The following RELN variants were observed in gnomAD, a reference collection of about 807,000 sequenced individuals.
RELN encodes the protein reelin.
A neutral mutation model predicts 427.6 loss-of-function variants in RELN; 108 were observed. The observed-to-expected ratio is 0.25, with a 90% CI of 0.22 to 0.30. RELN has a LOEUF of 0.30. Ranked by LOEUF, RELN falls within the 10% of genes least tolerant of loss-of-function variation. RELN has a pLI of 1.00. For missense variants in RELN, 3,715 were observed against 4,302.8 expected (o/e 0.86, Z 3.82); for synonymous variants, 1,524 against 1,513.4 (o/e 1.01, Z -0.16).
At chr7:103,964,516 T>C (rs1489601412) in intron 1 of RELN, among the ~76,000 whole-genome samples, 4 of 152,146 alleles carry the variant, frequency 2.6e-5, no homozygotes, top group Non-Finnish European at 5.9e-5. Context: ...GATGGCTCAG[T>C]TAGGGCACAA....
chr7:103,709,893 T>G (rs1231279857), intron 8 of RELN, among the ~76,000 whole-genome samples: 1 of 152,142 alleles, frequency 6.6e-6, no homozygotes, highest in Non-Finnish European at 1.5e-5. Flanking sequence ...ATGGTCCCTA[T>G]AAGACAAGGC....
At chr7:103,852,105 A>G (rs565048504) in intron 2 of RELN, among the ~76,000 whole-genome samples, 88 of 152,268 alleles carry the variant, frequency 5.8e-4, no homozygotes, top group African/African-American at 2.1e-3. Flanking sequence ...TTTTAATATA[A>G]CACTTGTCAT....
Position 103,668,266 on chromosome 7 carries a change from T to C in RELN, c.1290-6739A>G, listed in dbSNP as rs1271612012. The stretch of plus-strand genomic sequence containing the variant: ...AAGGTATGACATATAATTATATATG[T>C]ATAATTGTATACTTTGTATAATTTA... On this transcript the variant is annotated intron_variant, in intron 11 of 64. Coordinates refer to ENST00000428762, the MANE Select transcript of RELN (RefSeq NM_005045.4). Among the ~76,000 whole-genome samples the C allele has an allele frequency of 2.0e-5, 3 of 152,316 alleles. No individual in the cohort carries two copies. The East Asian group carries it at 5.8e-4, about 29-fold the overall frequency.
In RELN at chr7:103,503,000, T is replaced by A. The variant is rs1000116021; in HGVS notation, c.8489+16A>T. On this transcript the variant is annotated intron_variant, in intron 52 of 64. Coordinates refer to ENST00000428762, the MANE Select transcript of RELN (RefSeq NM_005045.4). ...TGGATGCTTGGAACCAGGCTTTGTT[T>A]TAGTTTTCTACTTACTTTCCCACTA... 1.2e-6 allele frequency: 2 copies of A among 1,607,162 alleles called. No individual in the cohort carries two copies. Among genetic ancestry groups the A allele is most frequent in the African/African-American group, 2.7e-5 (2 of 74,788 alleles).
At chr7:103,502,097 G>C (rs13239318) in intron 52 of RELN, among the ~76,000 whole-genome samples, 22,495 of 152,122 alleles carry the variant, frequency 0.15, 1,893 homozygotes, top group East Asian at 0.29. Context: ...AAATCAACCA[G>C]CCCTAGAGTT....
Position 103,595,693 on chromosome 7 carries a change from C to T in RELN, c.3539+763G>A, listed in dbSNP as rs362669. On this transcript the variant is annotated intron_variant, in intron 25 of 64. Coordinates refer to ENST00000428762, the MANE Select transcript of RELN (RefSeq NM_005045.4). ...TTAAAACTTAATAGTAGTCAACATACAAAAAATTATTTTTTTGTTAAAATG... is the reference window on the plus strand; with the variant it reads ...TTAAAACTTAATAGTAGTCAACATATAAAAAATTATTTTTTTGTTAAAATG... Among the ~76,000 whole-genome samples the T allele has an allele frequency of 4.8e-3, 727 of 151,374 alleles. 10 individuals are homozygous for T. The highest frequency in any genetic ancestry group is 0.033 in the East Asian group (171 of 5,140).
At position 103,825,112 on chromosome 7, in the gene RELN, A is replaced by G. The variant is rs146671411; in HGVS notation, c.473+8425T>C. 2.1e-3 allele frequency among the ~76,000 whole-genome samples: 324 copies of G among 152,264 alleles called. 1 individual carries two copies. Among genetic ancestry groups the G allele is most frequent in the Non-Finnish European group, 3.8e-3 (258 of 68,022 alleles). On this transcript the variant is annotated intron_variant, in intron 3 of 64. Transcript: ENST00000428762. ...TAAAATGGGGTTTCAAATTCCATTAATGCTCATTTTCATATTAATAGTCTT... is the reference window on the plus strand; with the variant it reads ...TAAAATGGGGTTTCAAATTCCATTAGTGCTCATTTTCATATTAATAGTCTT...
At chr7:103,835,139 G>A (rs1040471670) in intron 2 of RELN, among the ~76,000 whole-genome samples, 1 of 152,150 alleles carries the variant, frequency 6.6e-6, no homozygotes, top group African/African-American at 2.4e-5. Flanking sequence ...ATGAAGACAT[G>A]CAAAGACATA....
At chr7:103,641,943 A>T (rs1307604969) in intron 16 of RELN, among the ~76,000 whole-genome samples, 1 of 152,160 alleles carries the variant, frequency 6.6e-6, no homozygotes, top group Non-Finnish European at 1.5e-5. Flanking sequence ...CATCATGAAA[A>T]ATTCAACAAT....
At chr7:103,493,496 GAATT>G (rs759887167) in intron 57 of RELN, among the ~76,000 whole-genome samples, 9 of 152,070 alleles carry the variant, frequency 5.9e-5, no homozygotes, top group African/African-American at 1.7e-4. Context: ...TTAAAATATT[GAATT>G]AATTGTTAGC....
At chr7:103,671,784 G>T (rs1226993157) in intron 11 of RELN, among the ~76,000 whole-genome samples, 1 of 152,052 alleles carries the variant, frequency 6.6e-6, no homozygotes, top group East Asian at 1.9e-4. Context: ...CTTTAGCACT[G>T]TTTAAGATTT....
rs143700015 is a variant in RELN, at chr7:103,988,257, T to A, written c.226+874A>T. Among the ~76,000 whole-genome samples the A allele has an allele frequency of 4.6e-5, 7 of 152,362 alleles. No individual in the cohort carries two copies. The highest frequency in any genetic ancestry group is 9.6e-5 in the African/African-American group (4 of 41,586). ...TTATTTTTCCACATACTCGATGTACTAGCTTAAAATACATGTACTACATAA... is the reference window on the plus strand; with the variant it reads ...TTATTTTTCCACATACTCGATGTACAAGCTTAAAATACATGTACTACATAA... On this transcript the variant is annotated intron_variant, in intron 1 of 64. Coordinates refer to ENST00000428762, the MANE Select transcript of RELN (RefSeq NM_005045.4). The surrounding 1 kb of genome is among the most constrained non-coding windows in gnomAD (Gnocchi z 4.9).
At chr7:103,693,195 G>C (rs1194607007) in intron 10 of RELN, among the ~76,000 whole-genome samples, 3 of 152,070 alleles carry the variant, frequency 2.0e-5, no homozygotes, top group Non-Finnish European at 4.4e-5. Flanking sequence ...TCCTTTGCAG[G>C]GACATGGATG....
At chr7:103,863,128 T>C (rs1026334945) in intron 2 of RELN, among the ~76,000 whole-genome samples, 8 of 152,088 alleles carry the variant, frequency 5.3e-5, no homozygotes, top group Non-Finnish European at 1.2e-4. Flanking sequence ...AGCAACAATG[T>C]GCGCCACCAG....
chr7:103,958,278 GA>G (rs1364330281), intron 1 of RELN, among the ~76,000 whole-genome samples: 2 of 152,178 alleles, frequency 1.3e-5, no homozygotes, highest in Non-Finnish European at 1.5e-5. Context: ...CCATCGTTCT[GA>G]AACTCAATCT....
intron 22 of RELN, among the ~76,000 whole-genome samples, chr7:103,608,831 G>T (rs1376492336): frequency 1.3e-5 from 2 of 152,074 alleles, no homozygotes; most frequent in East Asian, 3.8e-4. Flanking sequence ...ACCTGCAAAG[G>T]CTTTTCTGAT....
In RELN at chr7:103,566,328, T is replaced by C. The variant is rs779627426; in HGVS notation, c.4832A>G (p.Asp1611Gly). The C allele has an allele frequency of 3.1e-6, 5 of 1,614,064 alleles. No homozygotes were observed. The highest frequency in any genetic ancestry group is 4.2e-6 in the Non-Finnish European group (5 of 1,179,954). Residue 1611 changes from aspartate (D) to glycine (G), a missense_variant, in exon 33 of 65, where the codon GAT becomes GGT. Asp to Gly is a moderately conservative substitution (Grantham distance 94). Coordinates refer to ENST00000428762, the MANE Select transcript of RELN (RefSeq NM_005045.4). ...SSQTGFQDKF[D>G]GSIDLQANWY... is the part of the protein sequence containing the mutation. ...GTTGGCTTGCAAATCTATAGAGCCA[T>C]CAAATTTGTCTTGAAATCCAGTTTG...
intron 11 of RELN, among the ~76,000 whole-genome samples, chr7:103,671,248 G>A (rs1409374868): frequency 6.6e-6 from 1 of 152,144 alleles, no homozygotes; most frequent in African/African-American, 2.4e-5. Context: ...CAGCTTAGGT[G>A]AAGGTAAAAG....
At chr7:103,925,478 T>C (rs1348503074) in intron 1 of RELN, among the ~76,000 whole-genome samples, 1 of 152,216 alleles carries the variant, frequency 6.6e-6, no homozygotes, top group Non-Finnish European at 1.5e-5. Context: ...TTGTGATTTA[T>C]CTCTGACCTT....
Sources: allele counts gnomAD v4.1 joint callset (sites outside exome capture counted in the v4.1 genomes callset), GRCh38; gene constraint gnomAD v4.1.1; non-coding constraint Gnocchi (gnomAD v3.1); transcripts MANE v1.5; gene names NCBI Gene and HGNC (gene_info 2026-07-23, HGNC 2026-07-21).